Variants in RBFOX1 observed in about 807,000 individuals in gnomAD.
The protein encoded by RBFOX1 is RNA binding protein fox-1 homolog 1.
RBFOX1 carries 8 observed loss-of-function variants against 57.7 expected under a neutral mutation model. The ratio of observed to expected loss-of-function variants is 0.14; its 90% confidence interval spans 0.08 to 0.25. The LOEUF (loss-of-function observed/expected upper bound fraction) is 0.25, where lower values mean the gene tolerates loss of function less well. Ranked by LOEUF, RBFOX1 falls within the 10% of genes least tolerant of loss-of-function variation. The probability of loss-of-function intolerance (pLI) is 1.00; values close to 1 mark genes in which losing one functional copy is unlikely to be tolerated. For synonymous variants in RBFOX1, 326 were observed against 222.4 expected (o/e 1.47, Z -4.15); for missense variants, 611 against 548.5 (o/e 1.11, Z -1.14).
chr16:5,366,041 G>A lies in RBFOX1; in HGVS notation c.220-101175G>A, dbSNP rs2065705043. 1.2e-5 allele frequency: 6 copies of A among 483,010 alleles called. No individual in the cohort carries two copies. In the Admixed American group the frequency reaches 1.3e-4, roughly 10 times the overall value. 29.9% of individuals were successfully genotyped at this position (483,010 alleles called of 1,614,324 possible). A position where few individuals can be genotyped will look rare whatever the true frequency, so the allele number is the denominator to read the frequency against. On this transcript the variant is annotated intron_variant, in intron 1 of 2. Coordinates refer to the RBFOX1 transcript ENST00000585867. ...AACACTGGCAGCTTTGAAAATGTCTGTACAGCAATGGTTTCCCTTGGGGCT... is the reference window on the plus strand; with the variant it reads ...AACACTGGCAGCTTTGAAAATGTCTATACAGCAATGGTTTCCCTTGGGGCT...
chr16:6,316,963 A>G (rs1463113864), intron 1 of RBFOX1, 32 bp from the exon 2 acceptor site: 5 of 1,523,176 alleles, frequency 3.3e-6, no homozygotes, highest in Non-Finnish European at 4.4e-6. Context: ...ACATTTCTTG[A>G]TACTAAAGTC....
At chr16:5,426,494 C>T (rs1051971040) in intron 1 of RBFOX1, among the ~76,000 whole-genome samples, 23 of 152,182 alleles carry the variant, frequency 1.5e-4, no homozygotes, top group Admixed American at 3.9e-4. Flanking sequence ...AGAGGTGACC[C>T]CTCAGGTCAG....
chr16:5,709,829 ATATATATATATATATTTTTTTTTTT>A (rs1302364102), intron 3 of RBFOX1, among the ~76,000 whole-genome samples: 4 of 7,488 alleles, frequency 5.3e-4, no homozygotes, highest in Non-Finnish European at 1.1e-3. Flanking sequence ...ATATATATAT[ATATATATATATATATTTTTTTTTTT>A]TTTTTTTTTT....
rs201109944 is a variant in RBFOX1 at position 5,426,116 on chromosome 16, AG to A, written c.220-41099del. On this transcript the variant is annotated intron_variant, in intron 1 of 2. Transcript: ENST00000585867. ...GATTTCACATTCAGGTGAAATCCAA[AG>A]ATGCTGTTTTCCCTAAAGTGAGTCC... Among the ~76,000 whole-genome samples, 58 of 152,272 alleles carry A rather than the reference AG, an allele frequency of 3.8e-4. No individual in the cohort carries two copies. The East Asian group carries it at 0.011, about 28-fold the overall frequency.
chr16:7,232,768 G>A (rs1286745320), intron 4 of RBFOX1, among the ~76,000 whole-genome samples: 4 of 151,392 alleles, frequency 2.6e-5, no homozygotes, highest in Non-Finnish European at 2.9e-5. Context: ...TTGAACCTGG[G>A]AGGGGGAGGT....
chr16:5,718,475 T>C (rs1180070099), intron 3 of RBFOX1, among the ~76,000 whole-genome samples: 2 of 152,252 alleles, frequency 1.3e-5, no homozygotes, highest in Non-Finnish European at 2.9e-5. Context: ...ATAAACTCTC[T>C]TTAGATGTGA....
At chr16:7,303,469 C>T (rs1161092434) in intron 4 of RBFOX1, among the ~76,000 whole-genome samples, 1 of 152,256 alleles carries the variant, frequency 6.6e-6, no homozygotes, top group Non-Finnish European at 1.5e-5. Flanking sequence ...AATTGTCCAG[C>T]TCGCCTGATG....
intron 4 of RBFOX1, among the ~76,000 whole-genome samples, chr16:7,462,081 G>T (rs910612381): frequency 9.9e-5 from 15 of 152,284 alleles, no homozygotes; most frequent in African/African-American, 3.6e-4. Context: ...TTCTCCTGGG[G>T]TTCTTTTCTT....
At chr16:6,544,929 A>G (rs1274653954) in intron 2 of RBFOX1, among the ~76,000 whole-genome samples, 1 of 152,166 alleles carries the variant, frequency 6.6e-6, no homozygotes, top group Non-Finnish European at 1.5e-5. Flanking sequence ...ATTAGTTAAG[A>G]GTTTATTTTC....
intron 3 of RBFOX1, among the ~76,000 whole-genome samples, chr16:5,792,752 A>G (rs2054745202): frequency 6.6e-6 from 1 of 152,204 alleles, no homozygotes; most frequent in African/African-American, 2.4e-5. Context: ...CTGAGGCAGG[A>G]GAATCACTTG....
At chr16:5,610,321 A>C (rs565095890) in intron 3 of RBFOX1, 2 of 152,202 alleles carry the variant, frequency 1.3e-5, no homozygotes, top group African/African-American at 4.8e-5. Context: ...TGTTTTATTC[A>C]CATAGCTTCA....
In RBFOX1 at chr16:6,004,792, A is replaced by G. The variant is rs538807790; in HGVS notation, c.351+137457A>G. Among the ~76,000 whole-genome samples, 20 of 152,300 alleles carry G rather than the reference A, an allele frequency of 1.3e-4. 2 individuals are homozygous for G. The Middle Eastern group carries it at 0.021, about 156-fold the overall frequency. On this transcript the variant is annotated intron_variant, in intron 4 of 19. Coordinates refer to the RBFOX1 transcript ENST00000641259. ...GAACCTCGGAGTACTTTTTATTGAC[A>G]TGCAGTGTAAATCATTCCATCTGAC...
chr16:7,061,955 G>C (rs1430902642), intron 4 of RBFOX1, among the ~76,000 whole-genome samples: 1 of 152,102 alleles, frequency 6.6e-6, no homozygotes, highest in East Asian at 1.9e-4. Context: ...AAGTTTCAGT[G>C]GGAATGAGTA....
intron 3 of RBFOX1, among the ~76,000 whole-genome samples, chr16:5,718,078 G>T (rs150222713): frequency 6.6e-6 from 1 of 152,172 alleles, no homozygotes; most frequent in Non-Finnish European, 1.5e-5. Flanking sequence ...GGACAATAGG[G>T]TGTCATCGAA....
At chr16:5,778,222 T>C (rs2054207338) in intron 3 of RBFOX1, among the ~76,000 whole-genome samples, 1 of 152,186 alleles carries the variant, frequency 6.6e-6, no homozygotes, top group Non-Finnish European at 1.5e-5. Flanking sequence ...GGTGCCAGAA[T>C]CATCCATGTG....
intron 2 of RBFOX1, among the ~76,000 whole-genome samples, chr16:6,627,731 C>G (rs80116430): frequency 0.015 from 2,257 of 152,294 alleles, 65 homozygotes; most frequent in African/African-American, 0.051. Flanking sequence ...CATCCCCCCT[C>G]TGAGGCCGGA....
chr16:7,484,945 A>C (rs2065002713), intron 4 of RBFOX1, among the ~76,000 whole-genome samples: 1 of 152,326 alleles, frequency 6.6e-6, no homozygotes, highest in East Asian at 1.9e-4. Context: ...ATATGCCCCA[A>C]GTTGTTCAAA....
At chr16:5,826,895 A>G (rs1483081003) in intron 3 of RBFOX1, among the ~76,000 whole-genome samples, 1 of 152,168 alleles carries the variant, frequency 6.6e-6, no homozygotes, top group Admixed American at 6.5e-5. Context: ...GGAGCCCTGA[A>G]TCCTTGACCA....
chr16:5,715,281 G>T (rs879838587), intron 3 of RBFOX1, among the ~76,000 whole-genome samples: 1 of 152,100 alleles, frequency 6.6e-6, no homozygotes, highest in African/African-American at 2.4e-5. Flanking sequence ...CTACCTTGTG[G>T]ATGATTAAAC....
Sources: gnomAD v4.1 joint callset for allele counts (sites outside exome capture counted in the v4.1 genomes callset) on GRCh38, gnomAD v4.1.1 for gene constraint, MANE v1.5 for transcripts, NCBI Gene and HGNC (gene_info 2026-07-23, HGNC 2026-07-21) for gene names.